The following CCT2 variants were observed in gnomAD, a reference collection of about 807,000 sequenced individuals.
CCT2 encodes chaperonin containing TCP1 subunit 2, also known as T-complex protein 1 subunit beta.
In CCT2, 18 loss-of-function variants were observed where a neutral mutation model predicts 61.8. The ratio of observed to expected loss-of-function variants is 0.29; its 90% CI spans 0.20 to 0.43. The LOEUF (loss-of-function observed/expected upper bound fraction) is 0.43, where lower values mean the gene tolerates loss of function less well. Among genes scored for constraint, CCT2 ranks in the 20% least tolerant of loss-of-function variants. The pLI is 1.00. For synonymous variants in CCT2, 248 were observed against 215.9 expected (o/e 1.15, Z -1.30); for missense variants, 556 against 656.9 (o/e 0.85, Z 1.68).
At chr12:69,589,273 C>T in intron 6 of CCT2, 1 of 513,042 alleles carries the variant, frequency 1.9e-6, no homozygotes, top group Non-Finnish European at 3.3e-6. Context: ...TTGTGTGGCC[C>T]CCACCCCTCT....
chr12:69,585,714 G>A, intron 1 of CCT2, 190 bp downstream of exon 1: 1 of 1,468,956 alleles, frequency 6.8e-7, no homozygotes, highest in Non-Finnish European at 9.0e-7. Flanking sequence ...ACGAGGGGGA[G>A]GGGTGGACCG....
chr12:69,591,945 G>T, intron 7 of CCT2, 114 bp from the exon 8 acceptor site: 1 of 599,346 alleles, frequency 1.7e-6, no homozygotes, highest in Non-Finnish European at 3.0e-6. Context: ...TTGGTAAATT[G>T]GACTTAAATA....
chr12:69,587,088 C>T, intron 3 of CCT2: 1 of 367,828 alleles, frequency 2.7e-6, no homozygotes, highest in East Asian at 4.5e-5. Context: ...GTATTTTATA[C>T]TCATGTAACA....
chr12:69,589,602 C>T lies in CCT2; in HGVS notation c.564C>T (p.Leu188=). ...HFTKLAVEAV[L]RLKGSGNLEA... ...CAAAGTTAGCTGTAGAAGCAGTTCTCAGACTGAAAGGCTCTGGCAACCTGG... is the reference window on the plus strand; with the variant it reads ...CAAAGTTAGCTGTAGAAGCAGTTCTTAGACTGAAAGGCTCTGGCAACCTGG... Residue 188 remains leucine, a synonymous_variant, in exon 7 of 16, where the codon CTC becomes CTT. Transcript: ENST00000299300. 2 of 1,614,116 alleles carry T rather than the reference C, an allele frequency of 1.2e-6. No homozygotes were observed. Among genetic ancestry groups the T allele is most frequent in the Non-Finnish European group, 1.7e-6 (2 of 1,180,004 alleles).
chr12:69,597,555 C>G (rs1378059392), intron 11 of CCT2, 83 bp from the exon 12 acceptor site: 3 of 1,399,426 alleles, frequency 2.1e-6, no homozygotes, highest in Non-Finnish European at 3.0e-6. Context: ...GCTTTCAGAA[C>G]CCAGTAATAT....
chr12:69,597,135 A>C, intron 10 of CCT2, 21 bp from the exon 11 acceptor site: 1 of 1,610,392 alleles, frequency 6.2e-7, no homozygotes, highest in East Asian at 2.2e-5. Context: ...GCATTTAACT[A>C]ATACATGTTT....
intron 1 of CCT2, chr12:69,585,796 C>A: frequency 7.3e-7 from 1 of 1,367,458 alleles, no homozygotes; most frequent in Non-Finnish European, 9.4e-7. Context: ...TCACCCGGAG[C>A]GAAGAAATTT....
At chr12:69,594,335 G>A (rs1881924998) in intron 10 of CCT2, among the ~76,000 whole-genome samples, 1 of 152,076 alleles carries the variant, frequency 6.6e-6, no homozygotes, top group South Asian at 2.1e-4. Context: ...AACCTTTATT[G>A]AACATTTACT....
chr12:69,593,678 C>A, intron 10 of CCT2, 65 bp downstream of exon 10: 1 of 903,568 alleles, frequency 1.1e-6, no homozygotes, highest in Non-Finnish European at 1.8e-6. Flanking sequence ...TTATTTGTTA[C>A]TATATGCAAC....
chr12:69,589,425 C>T, intron 6 of CCT2, 60 bp from the exon 7 acceptor site: 2 of 1,164,378 alleles, frequency 1.7e-6, no homozygotes, highest in South Asian at 1.3e-5. Context: ...ACATGAATAT[C>T]TAGATAAATT....
chr12:69,589,771 C>G (rs1881779094), intron 7 of CCT2, 84 bp downstream of exon 7: 1 of 1,097,178 alleles, frequency 9.1e-7, no homozygotes, highest in Admixed American at 2.0e-5. Flanking sequence ...AGACCAGTGA[C>G]CCTTTACAAA....
intron 1 of CCT2, chr12:69,585,910 A>T: frequency 7.9e-7 from 1 of 1,269,682 alleles, no homozygotes; most frequent in Non-Finnish European, 1.0e-6. Context: ...AGGGTGGAAG[A>T]TGGAGGCCGC....
chr12:69,586,668 A>C (rs79680476), intron 2 of CCT2, 85 bp from the exon 3 acceptor site: 1 of 257,472 alleles, frequency 3.9e-6, no homozygotes, highest in Non-Finnish European at 6.6e-6. Context: ...ACTCTGCCTC[A>C]AAAAAAAAAA....
chr12:69,587,855 T>G, intron 4 of CCT2, 75 bp from the exon 5 acceptor site: 1 of 1,167,892 alleles, frequency 8.6e-7, no homozygotes, highest in South Asian at 1.2e-5. Context: ...TAAGTTTAGA[T>G]TGGTAGTGAA....
In CCT2 at chr12:69,598,183, T is replaced by C. The variant is rs1593101479; in HGVS notation, c.1335+112T>C. ...TGCTTTTAAATTTGATTCTGGAGTT[T>C]CTCCTCTTCGTGAGCAGTAACTGAA... On this transcript the variant is annotated intron_variant, in intron 13 of 15. Transcript: ENST00000299300. The C allele has an allele frequency of 3.0e-6, 3 of 994,386 alleles. No individual in the cohort carries two copies. The East Asian group carries it at 7.7e-5, about 26-fold the overall frequency. The allele number at this position is 994,386 out of a possible 1,614,324, so 61.6% of individuals were successfully genotyped here.
chr12:69,598,895 T>TATATAC (rs575399375), intron 14 of CCT2, among the ~76,000 whole-genome samples: 2 of 152,146 alleles, frequency 1.3e-5, no homozygotes, highest in African/African-American at 4.8e-5. Flanking sequence ...TATAGAGTAG[T>TATATAC]CTTAAGAAGG....
chr12:69,589,200 C>T, intron 6 of CCT2: 2 of 422,046 alleles, frequency 4.7e-6, no homozygotes, highest in Non-Finnish European at 4.3e-6. Flanking sequence ...GCTAGGATTA[C>T]AGGCGTGAGC....
At chr12:69,589,431 A>G in intron 6 of CCT2, 54 bp from the exon 7 acceptor site, 1 of 1,314,466 alleles carries the variant, frequency 7.6e-7, no homozygotes, top group Non-Finnish European at 1.1e-6. Context: ...ATATCTAGAT[A>G]AATTTTGAAA....
intron 7 of CCT2, among the ~76,000 whole-genome samples, chr12:69,590,377 A>G (rs934878990): frequency 6.6e-6 from 1 of 152,192 alleles, no homozygotes; most frequent in African/African-American, 2.4e-5. Context: ...TTAACAAATA[A>G]TTATGTATGT....
Sources: allele counts gnomAD v4.1 joint callset (sites outside exome capture counted in the v4.1 genomes callset), GRCh38; gene constraint gnomAD v4.1.1; transcripts MANE v1.5; gene names NCBI Gene and HGNC (gene_info 2026-07-23, HGNC 2026-07-21).